The following DIAPH3 variants were observed in gnomAD, a reference collection of about 807,000 sequenced individuals.
DIAPH3 encodes diaphanous related formin 3, also known as protein diaphanous homolog 3.
A neutral mutation model predicts 144.3 loss-of-function variants in DIAPH3; 117 were observed. That is an observed-to-expected ratio of 0.81 (90% CI 0.70 to 0.95). The LOEUF is 0.95. Among genes scored for constraint, DIAPH3 ranks in the 40% least tolerant of loss-of-function variants. The pLI is 0.00. For missense variants in DIAPH3, 1,421 were observed against 1,412.7 expected (o/e 1.01, Z -0.09); for synonymous variants, 519 against 488.9 (o/e 1.06, Z -0.81).
rs530670743 is a variant in DIAPH3, at chr13:59,950,769, C to T, written c.2074+19175G>A. 5.9e-5 allele frequency among the ~76,000 whole-genome samples: 9 copies of T among 152,040 alleles called. No homozygotes were observed. The East Asian group carries it at 1.7e-3, about 29-fold the overall frequency. On this transcript the variant is annotated intron_variant, in intron 17 of 27. Transcript: ENST00000400324. Reference sequence around the variant, plus strand: ...TGTGATATAATGACTAAATGTAATACTATACGATCAGTCAAGATATGAAGG... The same window carrying T: ...TGTGATATAATGACTAAATGTAATATTATACGATCAGTCAAGATATGAAGG...
chr13:59,910,318 G>T (rs946957675), intron 20 of DIAPH3, among the ~76,000 whole-genome samples: 3 of 152,048 alleles, frequency 2.0e-5, no homozygotes, highest in African/African-American at 7.2e-5. Flanking sequence ...AGCAAGCAGG[G>T]AAATAAAGAA....
intron 27 of DIAPH3, among the ~76,000 whole-genome samples, chr13:59,745,463 A>T (rs1249440755): frequency 1.3e-5 from 2 of 152,210 alleles, no homozygotes; most frequent in Non-Finnish European, 2.9e-5. Flanking sequence ...GGGTAGAGAA[A>T]GGAAATTGAC....
At chr13:59,974,503 A>G in intron 14 of DIAPH3, 47 bp from the exon 15 acceptor site, 1 of 1,447,712 alleles carries the variant, frequency 6.9e-7, no homozygotes. Context: ...ATGAAAATGA[A>G]AAGCACTATT....
intron 17 of DIAPH3, among the ~76,000 whole-genome samples, chr13:59,941,249 G>T (rs892976476): frequency 2.6e-5 from 4 of 152,144 alleles, no homozygotes; most frequent in African/African-American, 9.7e-5. Flanking sequence ...ACTATAAGGA[G>T]TGGCTAGGAA....
At chr13:59,997,304 T>C (rs2052264871) in intron 9 of DIAPH3, among the ~76,000 whole-genome samples, 1 of 152,098 alleles carries the variant, frequency 6.6e-6, no homozygotes, top group South Asian at 2.1e-4. Flanking sequence ...CATGTGATAT[T>C]TGTCTCTCTG....
At chr13:60,138,080 TAAGATTA>T (rs1193148934) in intron 1 of DIAPH3, among the ~76,000 whole-genome samples, 1 of 152,158 alleles carries the variant, frequency 6.6e-6, no homozygotes, top group Non-Finnish European at 1.5e-5. Context: ...GGAAAACTTG[TAAGATTA>T]AAGACTCAGA....
intron 20 of DIAPH3, among the ~76,000 whole-genome samples, chr13:59,906,737 C>T (rs774822009): frequency 1.3e-5 from 2 of 152,126 alleles, no homozygotes; most frequent in South Asian, 4.1e-4. Flanking sequence ...AATTAAATAA[C>T]GTGGAGACAA....
chr13:60,100,124 CT>C (rs1454487268), intron 3 of DIAPH3, among the ~76,000 whole-genome samples: 1 of 152,002 alleles, frequency 6.6e-6, no homozygotes, highest in Admixed American at 6.6e-5. Flanking sequence ...CCTTTTTCTC[CT>C]TAATTATAGA....
chr13:59,747,103 CATA>C (rs2036744824), intron 27 of DIAPH3, among the ~76,000 whole-genome samples: 1 of 152,228 alleles, frequency 6.6e-6, no homozygotes, highest in Admixed American at 6.5e-5. Flanking sequence ...GCAAAGAAGT[CATA>C]TTTGGCTGAA....
intron 4 of DIAPH3, among the ~76,000 whole-genome samples, chr13:60,058,251 C>T (rs1006235977): frequency 6.6e-6 from 1 of 150,446 alleles, no homozygotes; most frequent in Non-Finnish European, 1.5e-5. Context: ...ATTTCTGACA[C>T]TTCTCAAAAG....
rs750026338 is a variant in DIAPH3 at position 59,911,799 on chromosome 13, T to A, written c.2303A>T (p.Asn768Ile). 4 of 1,613,536 alleles carry A rather than the reference T, an allele frequency of 2.5e-6. No individual in the cohort carries two copies. The South Asian group carries it at 4.4e-5, about 18-fold the overall frequency. The change falls in exon 20 of 28, where the codon AAT becomes ATT. Residue 768 changes from asparagine (N) to isoleucine (I), a missense_variant. By Grantham distance (149) the Asn-to-Ile change is moderately radical (BLOSUM62 -3). Coordinates refer to ENST00000400324, the MANE Select transcript of DIAPH3 (RefSeq NM_001042517.2). ...TTCACTCTTGAACTGAGACAATGAA[T>A]TTAATTGCTCTTGATCAGGAAGATG... ...IKHLPDQEQL[N>I]SLSQFKSEYS...
intron 25 of DIAPH3, among the ~76,000 whole-genome samples, chr13:59,785,314 GA>G (rs1284985866): frequency 6.6e-6 from 1 of 152,054 alleles, no homozygotes; most frequent in Non-Finnish European, 1.5e-5. Flanking sequence ...CAAGTTAGGA[GA>G]AAAAATTAGA....
intron 4 of DIAPH3, among the ~76,000 whole-genome samples, chr13:60,056,679 C>G (rs1029806618): frequency 5.9e-5 from 9 of 151,634 alleles, no homozygotes. Flanking sequence ...CCAGATGATC[C>G]TGGAAGACAG....
In DIAPH3 at chr13:59,961,954, T is replaced by C. The variant is rs139046877; in HGVS notation, c.2074+7990A>G. 5.3e-3 allele frequency among the ~76,000 whole-genome samples: 809 copies of C among 152,288 alleles called. 10 individuals are homozygous for C. The highest frequency in any genetic ancestry group is 0.018 in the African/African-American group (757 of 41,570). On this transcript the variant is annotated intron_variant, in intron 17 of 27. Coordinates refer to ENST00000400324, the MANE Select transcript of DIAPH3 (RefSeq NM_001042517.2). ...GTCCAGATTTGACCTAAGTATACTT[T>C]TATTAATAAATGCATCAGAGTAGTC...
chr13:59,810,657 G>T (rs1399649786), intron 25 of DIAPH3, 131 bp downstream of exon 25: 2 of 990,864 alleles, frequency 2.0e-6, no homozygotes, highest in Admixed American at 2.6e-5. Flanking sequence ...AGAAAGAATT[G>T]TTCTATGGTT....
chr13:60,142,831 C>T (rs1202577958), intron 1 of DIAPH3, among the ~76,000 whole-genome samples: 2 of 152,028 alleles, frequency 1.3e-5, no homozygotes, highest in Non-Finnish European at 2.9e-5. Flanking sequence ...GATCATAGCT[C>T]ACTGCAGTCT....
chr13:59,887,017 G>A lies in DIAPH3; in HGVS notation c.2368-7549C>T, dbSNP rs183294204. Among the ~76,000 whole-genome samples the A allele has an allele frequency of 3.3e-5, 5 of 152,144 alleles. No homozygotes were observed. In the East Asian group the frequency reaches 9.7e-4, roughly 29 times the overall value. On this transcript the variant is annotated intron_variant, in intron 20 of 27. Transcript: ENST00000400324. ...ATCTAATCATTCACCCTTAAGTTGAGTATAACTCCAGGTTTCTCATGGATG... is the reference window on the plus strand; with the variant it reads ...ATCTAATCATTCACCCTTAAGTTGAATATAACTCCAGGTTTCTCATGGATG...
chr13:59,816,172 A>T (rs746254621), intron 24 of DIAPH3, among the ~76,000 whole-genome samples: 14 of 152,104 alleles, frequency 9.2e-5, no homozygotes, highest in Non-Finnish European at 1.8e-4. Flanking sequence ...TTGGACAGGA[A>T]GAATTTATCT....
chr13:60,102,448 A>G (rs984911904), intron 3 of DIAPH3, among the ~76,000 whole-genome samples: 4 of 141,178 alleles, frequency 2.8e-5, no homozygotes, highest in African/African-American at 4.9e-5. Flanking sequence ...TGCTAAATAA[A>G]GAAGATGTCA....
Sources: allele counts gnomAD v4.1 joint callset (sites outside exome capture counted in the v4.1 genomes callset), GRCh38; gene constraint gnomAD v4.1.1; transcripts MANE v1.5; gene names NCBI Gene and HGNC (gene_info 2026-07-23, HGNC 2026-07-21).